Variants in BCL2L11 observed in about 807,000 individuals in gnomAD.
BCL2L11 encodes the protein bcl-2-like protein 11.
A neutral mutation model predicts 20.6 loss-of-function variants in BCL2L11; 15 were observed. The ratio of observed to expected loss-of-function variants is 0.73; its 90% CI spans 0.49 to 1.12. The LOEUF (loss-of-function observed/expected upper bound fraction) is 1.12. Ranked by LOEUF, BCL2L11 falls within the 50% of genes most tolerant of loss-of-function variation. The pLI, the probability that BCL2L11 is intolerant of heterozygous loss-of-function variation, is 0.00. For missense variants in BCL2L11, 292 were observed against 260.9 expected (o/e 1.12, Z -0.82); for synonymous variants, 108 against 92.8 (o/e 1.16, Z -0.94).
intron 3 of BCL2L11, 62 bp from the exon 4 acceptor site, chr2:111,164,071 T>TTCC: frequency 3.0e-6 from 2 of 664,732 alleles, no homozygotes; most frequent in Non-Finnish European, 5.7e-6. Context: ...AAATATGGGC[T>TTCC]CCCACCCCTC....
At chr2:111,141,865 A>C (rs2150409706) in intron 2 of BCL2L11, among the ~76,000 whole-genome samples, 1 of 152,012 alleles carries the variant, frequency 6.6e-6, no homozygotes, top group Non-Finnish European at 1.5e-5. Flanking sequence ...TGCCTGGTGA[A>C]TTTTTGTATT....
chr2:111,145,387 T>G lies in BCL2L11; in HGVS notation c.395-4657T>G, dbSNP rs183764202. ...AATGTCATGATGTGACTTCATTTCC[T>G]TGGAGCACTGGGATAGAGGCTCTTG... On this transcript the variant is annotated intron_variant, in intron 2 of 3. Transcript: ENST00000393256. 2.0e-5 allele frequency among the ~76,000 whole-genome samples: 3 copies of G among 152,278 alleles called. No individual in the cohort carries two copies. The East Asian group carries it at 5.8e-4, about 29-fold the overall frequency.
In BCL2L11 at chr2:111,121,166, A is replaced by C. The variant is rs1026982604; in HGVS notation, c.-36A>C. On this transcript the variant is annotated 5_prime_UTR_variant, in exon 1 of 4. Coordinates refer to ENST00000393256, the MANE Select transcript of BCL2L11 (RefSeq NM_138621.5). ...TTGTTCCCCCAAATGTCTGACTCTG[A>C]CTCTCGGACTGAGAAACGCAAGGTA... 1 of 243,866 alleles carries C rather than the reference A, an allele frequency of 4.1e-6. No homozygotes were observed. The allele number at this position is 243,866 out of a possible 1,614,324, so 15.1% of individuals were successfully genotyped here. A position where few individuals can be genotyped will look rare whatever the true frequency, so the allele number is the denominator to read the frequency against.
In BCL2L11 at chr2:111,123,919, C is replaced by T. The variant is rs757487369; in HGVS notation, c.174C>T (p.Gly58=). The part of the protein sequence containing the change: ...HGGEGDSCPH[G]SPQGPLAPPA... ...GTGAAGGGGACAGCTGCCCCCACGG[C>T]AGCCCTCAGGGCCCGCTGGCCCCAC... The change falls in exon 2 of 4, where the codon GGC becomes GGT. Residue 58 remains glycine (G), a synonymous_variant. Coordinates refer to ENST00000393256, the MANE Select transcript of BCL2L11 (RefSeq NM_138621.5). 6.2e-7 allele frequency: 1 copy of T among 1,613,522 alleles called. No homozygotes were observed. Among genetic ancestry groups the T allele is most frequent in the African/African-American group, 1.3e-5 (1 of 75,006 alleles).
chr2:111,150,939 T>G (rs1377493808), intron 3 of BCL2L11, among the ~76,000 whole-genome samples: 1 of 152,178 alleles, frequency 6.6e-6, no homozygotes, highest in African/African-American at 2.4e-5. Flanking sequence ...GGAGTCTTGC[T>G]CTGTCACCAG....
chr2:111,123,227 C>A, intron 1 of BCL2L11: 1 of 985,482 alleles, frequency 1.0e-6, no homozygotes, highest in Non-Finnish European at 1.2e-6. Flanking sequence ...GCACTTACTA[C>A]GACTGACGGC....
chr2:111,159,901 G>A (rs561570398), intron 3 of BCL2L11, among the ~76,000 whole-genome samples: 9 of 152,256 alleles, frequency 5.9e-5, no homozygotes, highest in African/African-American at 1.4e-4. Context: ...TTGAATGCTC[G>A]ACACCGTCTC....
rs541909525 is a variant in BCL2L11, at chr2:111,123,080, C to T, written c.-13-653C>T. The T allele has an allele frequency of 6.2e-6, 6 of 975,532 alleles. No individual in the cohort carries two copies. In the African/African-American group the frequency reaches 8.8e-5, roughly 14 times the overall value. The allele number at this position is 975,532 out of a possible 1,614,324, so 60.4% of individuals were successfully genotyped here. A position where few individuals can be genotyped will look rare whatever the true frequency, so the allele number is the denominator to read the frequency against. On this transcript the variant is annotated intron_variant, in intron 1 of 3. Transcript: ENST00000393256. ...CCCCCTCCCCATTTAGAGATGTGCA[C>T]CTCACGGTGTGCACCTCAGAGAAGT...
intron 2 of BCL2L11, among the ~76,000 whole-genome samples, chr2:111,144,171 C>T (rs1028545993): frequency 2.6e-5 from 4 of 152,196 alleles, no homozygotes; most frequent in Non-Finnish European, 4.4e-5. Flanking sequence ...GAAGCACTGT[C>T]TTGAATTCAT....
In BCL2L11 at chr2:111,124,061, G is replaced by C. The variant is rs1242364924; in HGVS notation, c.316G>C (p.Ala106Pro). The C allele has an allele frequency of 1.9e-6, 3 of 1,614,028 alleles. No individual in the cohort carries two copies. The African/African-American group carries it at 4.0e-5, about 22-fold the overall frequency. The stretch of plus-strand genomic sequence containing the variant: ...CTCTTTTGACACAGACAGGAGCCCA[G>C]CACCCATGAGTTGTGACAAATCAAC... ...YFSFDTDRSP[A>P]PMSCDKSTQT... The change falls in exon 2 of 4, where the codon GCA (alanine) becomes CCA (proline). Residue 106 changes from alanine (A) to proline (P), a missense_variant. Transcript: ENST00000393256.
At chr2:111,144,457 C>A (rs2076240042) in intron 2 of BCL2L11, 2 of 1,550,304 alleles carry the variant, frequency 1.3e-6, no homozygotes, top group African/African-American at 1.4e-5. Context: ...ACCGCAAACG[C>A]TGATGGCAGT....
intron 3 of BCL2L11, chr2:111,162,828 A>G (rs1575227393): frequency 6.6e-6 from 1 of 152,234 alleles, no homozygotes; most frequent in African/African-American, 2.4e-5. Flanking sequence ...CAACCTATTA[A>G]TATTAGTCTA....
At chr2:111,130,725 T>C (rs1006350375) in intron 2 of BCL2L11, among the ~76,000 whole-genome samples, 1 of 152,222 alleles carries the variant, frequency 6.6e-6, no homozygotes, top group Admixed American at 6.5e-5. Flanking sequence ...TCATTAAATA[T>C]GATGCTAAGT....
Position 111,160,569 on chromosome 2 carries a change from A to G in BCL2L11, c.499-3564A>G, listed in dbSNP as rs189438440. On this transcript the variant is annotated intron_variant, in intron 3 of 3. Coordinates refer to ENST00000393256, the MANE Select transcript of BCL2L11 (RefSeq NM_138621.5). ...ATGGCCACAAAAGGCAGTTACCTCC[A>G]GGTAACCCAGTCCTCATATAGCTCT... Among the ~76,000 whole-genome samples the G allele has an allele frequency of 3.5e-4, 53 of 152,312 alleles. No homozygotes were observed. In the East Asian group the frequency reaches 6.2e-3, roughly 18 times the overall value.
chr2:111,147,387 CACA>C (rs1559064811), intron 2 of BCL2L11, among the ~76,000 whole-genome samples: 27 of 151,292 alleles, frequency 1.8e-4, no homozygotes, highest in Admixed American at 3.9e-4. Context: ...CACACACACA[CACA>C]CCCGCCATTT....
In BCL2L11 at chr2:111,164,184, T is replaced by A; in HGVS notation, c.550T>A (p.Leu184Ile). ...AAEDHPRMVI[L>I]RLLRYIVRLV... ...CGAAGACCACCCACGAATGGTTATC[T>A]TACGACTGTTACGTTACATTGTCCG... The change falls in exon 4 of 4, where the codon TTA (leucine) becomes ATA (isoleucine). Residue 184 changes from leucine (L) to isoleucine (I), a missense_variant. Physicochemically the swap from Leu to Ile is conservative, Grantham distance 5. Coordinates refer to ENST00000393256, the MANE Select transcript of BCL2L11 (RefSeq NM_138621.5). 9.3e-6 allele frequency: 15 copies of A among 1,612,184 alleles called. No homozygotes were observed. Among genetic ancestry groups the A allele is most frequent in the Non-Finnish European group, 1.3e-5 (15 of 1,178,574 alleles).
chr2:111,144,541 T>C (rs1428665019), intron 2 of BCL2L11: 1 of 1,550,092 alleles, frequency 6.5e-7, no homozygotes, highest in Non-Finnish European at 8.7e-7. Flanking sequence ...TAAGGAAACA[T>C]AAGGGGGCTG....
At chr2:111,122,240 G>T (rs902885629) in intron 1 of BCL2L11, among the ~76,000 whole-genome samples, 2 of 152,232 alleles carry the variant, frequency 1.3e-5, no homozygotes, top group Non-Finnish European at 1.5e-5. Context: ...GACAAGTGGC[G>T]AGGACTGGGC....
At chr2:111,140,744 T>C (rs1450231819) in intron 2 of BCL2L11, among the ~76,000 whole-genome samples, 1 of 152,258 alleles carries the variant, frequency 6.6e-6, no homozygotes, top group African/African-American at 2.4e-5. Context: ...TCATTTTTGC[T>C]GATACTTGAT....
Sources: gnomAD v4.1 joint callset for allele counts (sites outside exome capture counted in the v4.1 genomes callset) on GRCh38, gnomAD v4.1.1 for gene constraint, MANE v1.5 for transcripts, NCBI Gene and HGNC (gene_info 2026-07-23, HGNC 2026-07-21) for gene names.